Variants in NSUN4 observed in about 807,000 individuals in gnomAD.
NSUN4 encodes NOP2/Sun RNA methyltransferase 4, also known as 5-cytosine rRNA methyltransferase NSUN4.
Under a neutral mutation model 43.8 loss-of-function variants are expected in NSUN4, and 31 were observed. That is an observed-to-expected ratio of 0.71 (90% confidence interval 0.53 to 0.96). The LOEUF is 0.96. Ranked by LOEUF, NSUN4 falls within the 40% of genes least tolerant of loss-of-function variation. The pLI is 0.00. For missense variants in NSUN4, 439 were observed against 475.6 expected (o/e 0.92, Z 0.72); for synonymous variants, 167 against 184.1 (o/e 0.91, Z 0.75).
the NSUN4 span, among the ~76,000 whole-genome samples, chr1:46,375,161 C>T: frequency 1.3e-5 from 2 of 152,074 alleles, no homozygotes; most frequent in Non-Finnish European, 2.9e-5. Flanking sequence ...TGGGGCCAGG[C>T]GTGGTGGCTC....
rs1312128342 is a variant in NSUN4 at position 46,341,113 on chromosome 1, C to G, written c.93+194C>G. On this transcript the variant is annotated intron_variant, in intron 1 of 5. Transcript: ENST00000474844. The stretch of plus-strand genomic sequence containing the variant: ...ATGTCCCGAGCGTTAGTGTCTTCCA[C>G]TTGTTACGTCTGCAGTCTCCTGACT... The G allele has an allele frequency of 3.2e-6, 4 of 1,266,204 alleles. No individual in the cohort carries two copies. The African/African-American group carries it at 4.6e-5, about 14-fold the overall frequency. The allele number at this position is 1,266,204 out of a possible 1,614,324, so 78.4% of individuals were successfully genotyped here.
At chr1:46,373,289 C>G in the NSUN4 span, among the ~76,000 whole-genome samples, 1 of 152,206 alleles carries the variant, frequency 6.6e-6, no homozygotes, top group Admixed American at 6.5e-5. Flanking sequence ...CAGCCTCTGC[C>G]CATTATCCAG....
chr1:46,373,316 G>C, the NSUN4 span, among the ~76,000 whole-genome samples: 2 of 152,146 alleles, frequency 1.3e-5, no homozygotes, highest in African/African-American at 4.8e-5. Context: ...AGCTGCTTCC[G>C]CATTTTCAGG....
intron 1 of NSUN4, chr1:46,343,092 T>G (rs1273723903): frequency 5.0e-6 from 2 of 399,202 alleles, no homozygotes; most frequent in African/African-American, 4.1e-5. Context: ...CCATGGACCC[T>G]CCATAGGGCC....
At chr1:46,376,779 A>G in the NSUN4 span, among the ~76,000 whole-genome samples, 830 of 151,012 alleles carry the variant, frequency 5.5e-3, 8 homozygotes, top group African/African-American at 0.019. Context: ...TTTTTTTGAG[A>G]TGGAGTCTTA....
chr1:46,345,670 A>G (rs1378108926), intron 2 of NSUN4, among the ~76,000 whole-genome samples: 1 of 152,232 alleles, frequency 6.6e-6, no homozygotes, highest in Admixed American at 6.6e-5. Context: ...GTCTAGGGGC[A>G]CAAACTTGGT....
chr1:46,356,953 T>A (rs1663425596), intron 4 of NSUN4, among the ~76,000 whole-genome samples: 1 of 152,220 alleles, frequency 6.6e-6, no homozygotes, highest in African/African-American at 2.4e-5. Flanking sequence ...CAAATTGATA[T>A]TAATACAAAT....
rs370996941 is a variant in NSUN4 at position 46,344,887 on chromosome 1, G to T, written c.180G>T (p.Trp60Cys). The change falls in exon 2 of 6, where the codon TGG (tryptophan) becomes TGT (cysteine). Residue 60 changes from tryptophan to cysteine, a missense_variant. Transcript: ENST00000474844. ...MTYSVQFGDL[W>C]PSIRVSLLSE... ...ACAGTGTGCAGTTTGGAGATCTTTG[G>T]CCATCAATCCGTGTCAGTCTCCTCT... 6.2e-7 allele frequency: 1 copy of T among 1,614,190 alleles called. No individual in the cohort carries two copies. The highest frequency in any genetic ancestry group is 8.5e-7 in the Non-Finnish European group (1 of 1,180,032).
intron 3 of NSUN4, among the ~76,000 whole-genome samples, chr1:46,348,818 T>TTTTG (rs1489733658): frequency 2.1e-5 from 3 of 141,274 alleles, no homozygotes; most frequent in African/African-American, 5.4e-5. Flanking sequence ...GTTTTTTTTT[T>TTTTG]TTTTTTTTTT....
chr1:46,346,960 T>A lies in NSUN4; in HGVS notation c.477T>A (p.Asp159Glu). ...SLGVMEYYLM[D>E]AASLLPVLAL... ...GTGTCATGGAGTACTACCTGATGGA[T>A]GCTGCCTCCTTGCTGCCTGTTCTGG... The change falls in exon 3 of 6, where the codon GAT becomes GAA. Residue 159 changes from aspartate to glutamate, a missense_variant. Physicochemically the swap from Asp to Glu is conservative, Grantham distance 45 (BLOSUM62 2). Transcript: ENST00000474844. 6.2e-7 allele frequency: 1 copy of A among 1,614,150 alleles called. No homozygotes were observed. Among genetic ancestry groups the A allele is most frequent in the Non-Finnish European group, 8.5e-7 (1 of 1,179,994 alleles).
chr1:46,378,137 G>T, the NSUN4 span, among the ~76,000 whole-genome samples: 1 of 151,864 alleles, frequency 6.6e-6, no homozygotes, highest in East Asian at 1.9e-4. Flanking sequence ...GAGCTCAGTA[G>T]ATCCTCGGCC....
chr1:46,355,553 A>G (rs999292428), intron 4 of NSUN4, among the ~76,000 whole-genome samples: 17 of 152,244 alleles, frequency 1.1e-4, no homozygotes, highest in Non-Finnish European at 2.2e-4. Context: ...TGTCTGGAAT[A>G]TAGAAAACAT....
the NSUN4 span, among the ~76,000 whole-genome samples, chr1:46,373,712 A>G: frequency 6.6e-6 from 1 of 152,344 alleles, no homozygotes; most frequent in African/African-American, 2.4e-5. Context: ...CAATTAATCC[A>G]TGAATGAATT....
chr1:46,353,130 T>G lies in NSUN4; in HGVS notation c.753+102T>G. ...AGGATCCAGCCCCTATGTTTGAGCA[T>G]GTAGAGCTGTTTCTGGACTGGCCAG... On this transcript the variant is annotated intron_variant, in intron 4 of 5. Transcript: ENST00000474844. 3.6e-6 allele frequency: 4 copies of G among 1,106,000 alleles called. No individual in the cohort carries two copies. In the South Asian group the frequency reaches 4.3e-5, roughly 12 times the overall value. 68.5% of individuals were successfully genotyped at this position (1,106,000 alleles called of 1,614,324 possible).
rs188222322 is a variant in NSUN4, at chr1:46,345,652, T to C, written c.437+508T>C. 3.0e-3 allele frequency among the ~76,000 whole-genome samples: 462 copies of C among 152,184 alleles called. 1 individual carries two copies. The highest frequency in any genetic ancestry group is 3.0e-3 in the Non-Finnish European group (204 of 68,002). On this transcript the variant is annotated intron_variant, in intron 2 of 5. Coordinates refer to ENST00000474844, the MANE Select transcript of NSUN4 (RefSeq NM_199044.4). The stretch of plus-strand genomic sequence containing the variant: ...GAGGTAGTGGGACTTTCCTAGGAAA[T>C]AGGGCTGGTCTAGGGGCACAAACTT...
At chr1:46,347,190 C>T (rs1337882712) in intron 3 of NSUN4, 115 bp downstream of exon 3, 4 of 1,133,194 alleles carry the variant, frequency 3.5e-6, no homozygotes, top group Admixed American at 2.8e-5. Context: ...GTAATCCCAG[C>T]ACTTTGGGAA....
At chr1:46,378,934 G>A in the NSUN4 span, among the ~76,000 whole-genome samples, 40 of 152,306 alleles carry the variant, frequency 2.6e-4, no homozygotes, top group African/African-American at 8.7e-4. Context: ...AGACAAAACA[G>A]TTCTCTTACA....
the NSUN4 span, among the ~76,000 whole-genome samples, chr1:46,371,738 C>T: frequency 6.6e-6 from 1 of 152,016 alleles, no homozygotes; most frequent in South Asian, 2.1e-4. Context: ...CCGCGCCTGA[C>T]CAGGGAGCTT....
chr1:46,343,569 C>T (rs1389727914), intron 1 of NSUN4: 1 of 400,076 alleles, frequency 2.5e-6, no homozygotes, highest in Non-Finnish European at 4.4e-6. Context: ...AAGCCGGAGC[C>T]AAAGCAAGAG....
Sources: allele counts gnomAD v4.1 joint callset (sites outside exome capture counted in the v4.1 genomes callset), GRCh38; gene constraint gnomAD v4.1.1; transcripts MANE v1.5; gene names NCBI Gene and HGNC (gene_info 2026-07-23, HGNC 2026-07-21).